SORBS3: variants seen among roughly 807,000 people sequenced by gnomAD.
SORBS3 encodes the protein sorbin and SH3 domain containing 3, also known as vinexin.
Under a neutral mutation model 98.0 loss-of-function variants are expected in SORBS3, and 69 were observed. The observed-to-expected ratio is 0.70, with a 90% CI of 0.58 to 0.86. SORBS3 has a LOEUF of 0.86. Ranked by LOEUF, SORBS3 falls within the 40% of genes least tolerant of loss-of-function variation. The pLI is 0.00. For missense variants in SORBS3, 954 were observed against 908.5 expected (o/e 1.05, Z -0.64); for synonymous variants, 394 against 355.4 (o/e 1.11, Z -1.22).
chr8:22,551,735 C>T (rs978873639), upstream of SORBS3: 1 of 985,074 alleles, frequency 1.0e-6, no homozygotes, highest in African/African-American at 1.7e-5. This position sits in a 1 kb window ranked among gnomAD's most constrained non-coding sequence, Gnocchi z 5.8. Flanking sequence ...GCACGTCCCT[C>T]CTCTCCGGCC....
chr8:22,564,696 C>A, intron 10 of SORBS3, 175 bp downstream of exon 10: 1 of 1,394,564 alleles, frequency 7.2e-7, no homozygotes, highest in Non-Finnish European at 9.5e-7. Context: ...AGGAGGCGCT[C>A]AGTAAACATG....
Position 22,554,596 on chromosome 8 carries a change from CCGGG to C in SORBS3, c.91_94del (p.Arg31GlyfsTer6), listed in dbSNP as rs1272224013. The C allele has an allele frequency of 6.2e-7, 1 of 1,612,390 alleles. No individual in the cohort carries two copies. Among genetic ancestry groups the C allele is most frequent in the South Asian group, 1.1e-5 (1 of 91,068 alleles). On this transcript the variant is annotated frameshift_variant, in exon 2 of 21. Coordinates refer to ENST00000240123, the MANE Select transcript of SORBS3 (RefSeq NM_005775.5). LOFTEE classifies it high-confidence loss of function. This position sits in a 1 kb window ranked among gnomAD's most constrained non-coding sequence, Gnocchi z 6.5. ...TCCAGTCCCACATAGGGTCTTCCTC[CCGGG>C]GGACACGGGTGAGTGAGTCAGTAGG...
chr8:22,554,914 G>T lies in SORBS3; in HGVS notation c.154G>T (p.Asp52Tyr). The T allele has an allele frequency of 6.2e-7, 1 of 1,611,016 alleles. No homozygotes were observed. Among genetic ancestry groups the T allele is most frequent in the Non-Finnish European group, 8.5e-7 (1 of 1,178,370 alleles). Reference sequence around the variant, plus strand: ...CAACACCCTTAATTTCCAGTTCCACGACCCCGCGCCCAGGACTGTGTGCAA... The same window carrying T: ...CAACACCCTTAATTTCCAGTTCCACTACCCCGCGCCCAGGACTGTGTGCAA... ...GSNTLNFQFH[D>Y]PAPRTVCNGG... is the part of the protein sequence containing the mutation. The change falls in exon 3 of 21, where the codon GAC becomes TAC. Residue 52 changes from aspartate to tyrosine, a missense_variant. Coordinates refer to ENST00000240123, the MANE Select transcript of SORBS3 (RefSeq NM_005775.5). The surrounding 1 kb of genome is among the most constrained non-coding windows in gnomAD (Gnocchi z 6.5).
rs558436157 is a variant in SORBS3, at chr8:22,554,939, A to G, written c.179A>G (p.Asn60Ser). 131 of 1,613,636 alleles carry G rather than the reference A, an allele frequency of 8.1e-5. 1 individual carries two copies. The South Asian group carries it at 1.4e-3, about 17-fold the overall frequency. ...FHDPAPRTVCNGGYTPRRDAS... is the reference protein window; with the variant it reads ...FHDPAPRTVCSGGYTPRRDAS... ...GACCCCGCGCCCAGGACTGTGTGCA[A>G]TGGGGGCTACACACCAAGACGAGAT... Residue 60 changes from asparagine to serine, a missense_variant, in exon 3 of 21, where the codon AAT becomes AGT. Physicochemically the swap from Asn to Ser is conservative, Grantham distance 46 (BLOSUM62 1). Transcript: ENST00000240123. The surrounding 1 kb of genome is among the most constrained non-coding windows in gnomAD (Gnocchi z 6.5).
intron 7 of SORBS3, 42 bp downstream of exon 7, chr8:22,561,973 G>T (rs755868307): frequency 6.9e-6 from 11 of 1,588,066 alleles, no homozygotes; most frequent in Non-Finnish European, 8.6e-6. Flanking sequence ...GGAGGGGCGC[G>T]GCCCGCGAGA....
chr8:22,556,225 G>C (rs1840180897), intron 3 of SORBS3, among the ~76,000 whole-genome samples: 1 of 152,152 alleles, frequency 6.6e-6, no homozygotes, highest in Non-Finnish European at 1.5e-5. Context: ...ACTGTGCTGG[G>C]TACAGTCACA....
intron 6 of SORBS3, 154 bp from the exon 7 acceptor site, chr8:22,561,711 A>G (rs979271386): frequency 4.4e-5 from 30 of 674,250 alleles, no homozygotes; most frequent in Non-Finnish European, 8.0e-5. Flanking sequence ...GCCCGCGTTC[A>G]GTGTCCCTGA....
chr8:22,571,889 C>T, intron 19 of SORBS3, 68 bp downstream of exon 19: 1 of 1,128,948 alleles, frequency 8.9e-7, no homozygotes, highest in Admixed American at 1.7e-5. Flanking sequence ...CCCCATATTC[C>T]ACCCTCCCCC....
chr8:22,574,829 C>G lies in SORBS3; in HGVS notation c.*101C>G. 8.4e-7 allele frequency: 1 copy of G among 1,189,722 alleles called. No individual in the cohort carries two copies. The highest frequency in any genetic ancestry group is 1.3e-6 in the Non-Finnish European group (1 of 797,228). 73.7% of individuals were successfully genotyped at this position (1,189,722 alleles called of 1,614,324 possible). On this transcript the variant is annotated 3_prime_UTR_variant, in exon 21 of 21. Transcript: ENST00000240123. ...CGCCCACATCCTCCTTCCCCAGGAC[C>G]TGAGCTCCCAGCATCTGCAGACGAC...
At chr8:22,566,978 C>T in intron 15 of SORBS3, 83 bp from the exon 16 acceptor site, 1 of 1,536,300 alleles carries the variant, frequency 6.5e-7, no homozygotes, top group South Asian at 1.1e-5. Flanking sequence ...GGTGAGAGAA[C>T]TGGGGTGTGT....
At chr8:22,571,529 G>A (rs1840584359) in intron 18 of SORBS3, among the ~76,000 whole-genome samples, 189 bp from the exon 19 acceptor site, 1 of 152,178 alleles carries the variant, frequency 6.6e-6, no homozygotes, top group Non-Finnish European at 1.5e-5. Flanking sequence ...CAGTTTTCTG[G>A]CCCCTGTGAA....
At chr8:22,553,493 T>C (rs1840125552) in intron 1 of SORBS3, among the ~76,000 whole-genome samples, 1 of 152,058 alleles carries the variant, frequency 6.6e-6, no homozygotes, top group Non-Finnish European at 1.5e-5. Context: ...GGGAGCCCCT[T>C]TTTGTCCTCT....
At chr8:22,565,801 C>T in intron 11 of SORBS3, 25 bp from the exon 12 acceptor site, 2 of 1,316,998 alleles carry the variant, frequency 1.5e-6, no homozygotes, top group Non-Finnish European at 1.9e-6. Context: ...GTCGCGGGCC[C>T]TGATTGCGCC....
Position 22,556,554 on chromosome 8 carries a change from C to A in SORBS3, c.221-161C>A, listed in dbSNP as rs371522861. 539 of 640,890 alleles carry A rather than the reference C, an allele frequency of 8.4e-4. No individual in the cohort carries two copies. The African/African-American group carries it at 8.7e-3, about 10-fold the overall frequency. The allele number at this position is 640,890 out of a possible 1,614,324, so 39.7% of individuals were successfully genotyped here. On this transcript the variant is annotated intron_variant, in intron 3 of 20. Transcript: ENST00000240123. Reference sequence around the variant, plus strand: ...TCAAATCCATTTAAATTCACTTAAACAAACAGAGGCCCGTGGTGCTCTGAG... The same window carrying A: ...TCAAATCCATTTAAATTCACTTAAAAAAACAGAGGCCCGTGGTGCTCTGAG...
intron 16 of SORBS3, 40 bp downstream of exon 16, chr8:22,567,215 A>C: frequency 4.5e-5 from 35 of 779,284 alleles, no homozygotes; most frequent in Non-Finnish European, 7.1e-5. Flanking sequence ...CTGGGCTGGG[A>C]GGGCGCAGGG....
Position 22,564,482 on chromosome 8 carries a change from G to T in SORBS3, c.777G>T (p.Leu259=), listed in dbSNP as rs778644235. Residue 259 remains leucine (L), a synonymous_variant, in exon 10 of 21, where the codon CTG becomes CTT. Transcript: ENST00000240123. ...CTACCCTTCAGCCCAAGAAACCGCT[G>T]GTGGACGACCCTGGTGAGAAGCCCT... The part of the protein sequence containing the change: ...LETGQRPKKP[L]VDDPGEKPSQ... The T allele has an allele frequency of 1.2e-6, 2 of 1,614,118 alleles. No individual in the cohort carries two copies. Among genetic ancestry groups the T allele is most frequent in the Non-Finnish European group, 1.7e-6 (2 of 1,180,018 alleles).
Position 22,569,218 on chromosome 8 carries a change from C to A in SORBS3, c.1376C>A (p.Ala459Asp). 1 of 1,610,750 alleles carries A rather than the reference C, an allele frequency of 6.2e-7. No individual in the cohort carries two copies. Among genetic ancestry groups the A allele is most frequent in the Non-Finnish European group, 8.5e-7 (1 of 1,178,394 alleles). ...PTYQVLEYGE[A>D]VAQYTFKGDL... Reference sequence around the variant, plus strand: ...TACCAGGTGCTGGAGTATGGAGAGGCTGTGGCCCAGTACACCTTCAAGGGG... The same window carrying A: ...TACCAGGTGCTGGAGTATGGAGAGGATGTGGCCCAGTACACCTTCAAGGGG... Residue 459 changes from alanine (A) to aspartate (D), a missense_variant, in exon 17 of 21, where the codon GCT becomes GAT. Physicochemically the swap from Ala to Asp is moderately radical, Grantham distance 126. Transcript: ENST00000240123.
upstream of SORBS3, chr8:22,551,823 G>C: frequency 2.0e-6 from 2 of 985,680 alleles, no homozygotes; most frequent in Non-Finnish European, 1.2e-6. This position sits in a 1 kb window ranked among gnomAD's most constrained non-coding sequence, Gnocchi z 5.8. Context: ...CCGGCCTCCG[G>C]CGCGCGCCCC....
upstream of SORBS3, among the ~76,000 whole-genome samples, chr8:22,551,171 CG>C (rs10716113): frequency 0.48 from 72,373 of 152,030 alleles, 17,453 homozygotes; most frequent in East Asian, 0.56. The surrounding 1 kb of genome is among the most constrained non-coding windows in gnomAD (Gnocchi z 5.8). Context: ...GCGGCACGCC[CG>C]GGGGGGCCGC....
Sources: gnomAD v4.1 joint callset for allele counts (sites outside exome capture counted in the v4.1 genomes callset) on GRCh38, gnomAD v4.1.1 for gene constraint, Gnocchi (gnomAD v3.1) non-coding constraint, MANE v1.5 for transcripts, NCBI Gene and HGNC (gene_info 2026-07-23, HGNC 2026-07-21) for gene names.